The following FAT3 variants were observed in gnomAD, a reference collection of about 807,000 sequenced individuals.
FAT3 encodes protocadherin Fat 3.
FAT3 carries 95 observed loss-of-function variants against 310.2 expected under a neutral mutation model. The ratio of observed to expected loss-of-function variants is 0.31; its 90% confidence interval spans 0.26 to 0.36. The LOEUF is 0.36. FAT3 is among the 10% of genes least tolerant of loss of function. The pLI, the probability that FAT3 is intolerant of heterozygous loss-of-function variation, is 1.00. For synonymous variants in FAT3, 2,314 were observed against 2,192.9 expected (o/e 1.06, Z -1.54); for missense variants, 5,408 against 5,715.6 (o/e 0.95, Z 1.74).
intron 3 of FAT3, among the ~76,000 whole-genome samples, chr11:92,612,582 G>A (rs1478428487): frequency 6.6e-6 from 1 of 152,214 alleles, no homozygotes; most frequent in African/African-American, 2.4e-5. Flanking sequence ...TGATTGAATA[G>A]AAGTAACACA....
intron 8 of FAT3, among the ~76,000 whole-genome samples, chr11:92,790,695 A>G (rs1022488758): frequency 1.3e-5 from 2 of 152,234 alleles, no homozygotes; most frequent in African/African-American, 4.8e-5. Flanking sequence ...ATACTGGCAC[A>G]CAAAAGAGAT....
At chr11:92,867,262 A>G (rs996514133) in intron 22 of FAT3, 53 bp downstream of exon 22, 43 of 1,472,340 alleles carry the variant, frequency 2.9e-5, no homozygotes, top group Non-Finnish European at 3.8e-5. Flanking sequence ...GGGAGAGTGA[A>G]TGAACTGCAG....
At chr11:92,407,360 A>C (rs2134897138) in intron 2 of FAT3, among the ~76,000 whole-genome samples, 1 of 152,296 alleles carries the variant, frequency 6.6e-6, no homozygotes, top group South Asian at 2.1e-4. Flanking sequence ...GATTCTTAGA[A>C]TTATGCCTTT....
At chr11:92,602,935 T>C (rs938228867) in intron 3 of FAT3, among the ~76,000 whole-genome samples, 9 of 152,182 alleles carry the variant, frequency 5.9e-5, no homozygotes, top group African/African-American at 2.2e-4. Flanking sequence ...AAAACTAAAG[T>C]AGTCATCCTC....
intron 2 of FAT3, among the ~76,000 whole-genome samples, chr11:92,357,718 G>C (rs919002828): frequency 6.6e-6 from 1 of 151,634 alleles, no homozygotes; most frequent in Non-Finnish European, 1.5e-5. Flanking sequence ...GTTGCATTTT[G>C]GTTTACCTGA....
At chr11:92,622,175 T>A (rs952648173) in intron 3 of FAT3, among the ~76,000 whole-genome samples, 1 of 151,682 alleles carries the variant, frequency 6.6e-6, no homozygotes, top group African/African-American at 2.4e-5. Flanking sequence ...TCCCAGCTAG[T>A]CGGGAGACTG....
At chr11:92,432,776 G>C (rs1269528004) in intron 2 of FAT3, among the ~76,000 whole-genome samples, 1 of 152,152 alleles carries the variant, frequency 6.6e-6, no homozygotes, top group Non-Finnish European at 1.5e-5. Flanking sequence ...TGGGAGATCT[G>C]CTGCCCTCTT....
At chr11:92,232,078 A>C (rs897379887) in intron 1 of FAT3, among the ~76,000 whole-genome samples, 7 of 152,280 alleles carry the variant, frequency 4.6e-5, no homozygotes, top group Non-Finnish European at 8.8e-5. Context: ...GCAGTGTGTT[A>C]TGTGATTCAT....
At chr11:92,589,055 G>A (rs558226363) in intron 3 of FAT3, among the ~76,000 whole-genome samples, 49 of 152,134 alleles carry the variant, frequency 3.2e-4, no homozygotes, top group African/African-American at 1.2e-3. Context: ...CAGAGACAAT[G>A]ATTTCTTTAT....
intron 4 of FAT3, among the ~76,000 whole-genome samples, chr11:92,733,828 A>G (rs955651094): frequency 1.9e-4 from 29 of 152,352 alleles, no homozygotes; most frequent in African/African-American, 7.0e-4. Context: ...GAATCCTCAC[A>G]ATAGAGATGA....
At chr11:92,437,985 C>T (rs1168126226) in intron 2 of FAT3, among the ~76,000 whole-genome samples, 1 of 152,078 alleles carries the variant, frequency 6.6e-6, no homozygotes, top group African/African-American at 2.4e-5. Flanking sequence ...GAGAAAGGCC[C>T]TTGTTTTTAA....
intron 2 of FAT3, among the ~76,000 whole-genome samples, chr11:92,391,497 C>T (rs1949748275): frequency 6.6e-6 from 1 of 152,186 alleles, no homozygotes; most frequent in Non-Finnish European, 1.5e-5. Context: ...CTCTTAGTTC[C>T]TAGGTCTGTA....
At chr11:92,287,395 A>T (rs747771340) in intron 1 of FAT3, among the ~76,000 whole-genome samples, 3 of 152,178 alleles carry the variant, frequency 2.0e-5, no homozygotes, top group Non-Finnish European at 4.4e-5. Flanking sequence ...TATCTAAGGC[A>T]GTAAATGTGC....
chr11:92,628,315 A>G (rs894385890), intron 3 of FAT3, among the ~76,000 whole-genome samples: 7 of 152,160 alleles, frequency 4.6e-5, no homozygotes, highest in Non-Finnish European at 1.0e-4. Context: ...GCCTTTTTAT[A>G]ATGTTAATTA....
chr11:92,660,913 G>A (rs1942758411), intron 3 of FAT3, among the ~76,000 whole-genome samples: 1 of 152,164 alleles, frequency 6.6e-6, no homozygotes, highest in Non-Finnish European at 1.5e-5. Context: ...TGTCTTCAAG[G>A]TGGTGATTTA....
At chr11:92,275,001 A>T (rs2134346434) in intron 1 of FAT3, among the ~76,000 whole-genome samples, 1 of 152,270 alleles carries the variant, frequency 6.6e-6, no homozygotes, top group African/African-American at 2.4e-5. Context: ...CACAGTAGTT[A>T]CTTCGATATT....
rs189723211 is a variant in FAT3, at chr11:92,843,602, C to A, written c.10567-332C>A. Among the ~76,000 whole-genome samples the A allele has an allele frequency of 3.3e-5, 5 of 152,284 alleles. No individual in the cohort carries two copies. The East Asian group carries it at 9.7e-4, about 29-fold the overall frequency. On this transcript the variant is annotated intron_variant, in intron 18 of 27. Transcript: ENST00000525166. Reference sequence around the variant, plus strand: ...TGGAAAGACCACTTTATGAGGTTTCCCCTGTGGTTGCTGCATACAATTAAA... The same window carrying A: ...TGGAAAGACCACTTTATGAGGTTTCACCTGTGGTTGCTGCATACAATTAAA...
At chr11:92,247,326 CTT>C (rs34159674) in intron 1 of FAT3, among the ~76,000 whole-genome samples, 24 of 144,074 alleles carry the variant, frequency 1.7e-4, no homozygotes, top group East Asian at 2.0e-4. Flanking sequence ...GAAACCATGT[CTT>C]TTTTTTTTTT....
At chr11:92,634,549 T>G (rs1294487204) in intron 3 of FAT3, among the ~76,000 whole-genome samples, 1 of 152,224 alleles carries the variant, frequency 6.6e-6, no homozygotes, top group Admixed American at 6.5e-5. Context: ...GAATCATGAT[T>G]ACTGCTCATC....
Sources: allele counts gnomAD v4.1 joint callset (sites outside exome capture counted in the v4.1 genomes callset), GRCh38; gene constraint gnomAD v4.1.1; transcripts MANE v1.5; gene names NCBI Gene and HGNC (gene_info 2026-07-23, HGNC 2026-07-21).